The following BRF1 variants were observed in gnomAD, a reference collection of about 807,000 sequenced individuals.
BRF1 encodes the protein BRF1 general transcription factor IIIB subunit.
A neutral mutation model predicts 81.7 loss-of-function variants in BRF1; 59 were observed. That is an observed-to-expected ratio of 0.72 (90% CI 0.59 to 0.90). BRF1 has a LOEUF of 0.90. BRF1 is among the 40% of genes least tolerant of loss of function. BRF1 has a pLI of 0.00. For missense variants in BRF1, 1,050 were observed against 936.3 expected (o/e 1.12, Z -1.58); for synonymous variants, 491 against 395.6 (o/e 1.24, Z -2.86).
intron 15 of BRF1, chr14:105,212,794 G>A (rs12434042): frequency 0.1 from 15,341 of 152,706 alleles, 857 homozygotes; most frequent in Admixed American, 0.15. Flanking sequence ...AGGACGCAGC[G>A]GGGCAGAGCC....
In BRF1 at chr14:105,220,054, G is replaced by C. The variant is rs1051583138; in HGVS notation, c.1377+15C>G. The C allele has an allele frequency of 6.8e-6, 11 of 1,611,172 alleles. No homozygotes were observed. The highest frequency in any genetic ancestry group is 9.3e-6 in the Non-Finnish European group (11 of 1,179,978). ...CCAAGCCCAGCCCCTCTTGGGAAGG[G>C]GTGCTGCCACGTACCCTGTCAATCT... On this transcript the variant is annotated intron_variant, in intron 12 of 17. Coordinates refer to ENST00000547530, the MANE Select transcript of BRF1 (RefSeq NM_001519.4).
At chr14:105,219,502 G>A in intron 12 of BRF1, 1 of 633,558 alleles carries the variant, frequency 1.6e-6, no homozygotes, top group Non-Finnish European at 2.6e-6. Flanking sequence ...CCAGGACCCT[G>A]GCCAGCCAGA....
intron 5 of BRF1, chr14:105,248,618 G>C (rs1021945949): frequency 4.1e-6 from 4 of 976,342 alleles, no homozygotes; most frequent in Non-Finnish European, 4.8e-6. Flanking sequence ...GGGCCTGGCC[G>C]GGCTGCGCTA....
In BRF1 at chr14:105,211,117, C is replaced by A. The variant is rs1301262918; in HGVS notation, c.1996+5G>T. 10 of 1,612,318 alleles carry A rather than the reference C, an allele frequency of 6.2e-6. No homozygotes were observed. Among genetic ancestry groups the A allele is most frequent in the South Asian group, 4.4e-5 (4 of 91,062 alleles). On this transcript the variant is annotated splice_donor_5th_base_variant and intron_variant, in intron 17 of 17. Coordinates refer to ENST00000547530, the MANE Select transcript of BRF1 (RefSeq NM_001519.4). Reference sequence around the variant, plus strand: ...AACCCCTCCCTGTTGTCGGGCCCCACCCACCGTTGCTGCCCATCATCTGCA... The same window carrying A: ...AACCCCTCCCTGTTGTCGGGCCCCAACCACCGTTGCTGCCCATCATCTGCA...
In BRF1 at chr14:105,247,351, A is replaced by C. The variant is rs1031922785; in HGVS notation, c.544+5156T>G. ...ACACTACGTGACAAGTCTCAAGTTC[A>C]GCCGCCTGGGGGCTCGGGCACCCCA... is the stretch of plus-strand genomic sequence containing the variant. On this transcript the variant is annotated intron_variant, in intron 5 of 17. Coordinates refer to ENST00000547530, the MANE Select transcript of BRF1 (RefSeq NM_001519.4). 3 of 985,364 alleles carry C rather than the reference A, an allele frequency of 3.0e-6. No homozygotes were observed. In the African/African-American group the frequency reaches 5.2e-5, roughly 17 times the overall value. 61.0% of individuals were successfully genotyped at this position (985,364 alleles called of 1,614,324 possible). A position where few individuals can be genotyped will look rare whatever the true frequency, so the allele number is the denominator to read the frequency against.
chr14:105,256,177 C>T, intron 4 of BRF1: 1 of 1,520,250 alleles, frequency 6.6e-7, no homozygotes, highest in Non-Finnish European at 8.8e-7. Context: ...TCTCCTATAC[C>T]AAACTAGGTA....
intron 2 of BRF1, among the ~76,000 whole-genome samples, chr14:105,282,034 C>A (rs899884055): frequency 6.6e-6 from 1 of 152,174 alleles, no homozygotes; most frequent in East Asian, 1.9e-4. Flanking sequence ...TCAGAACCGT[C>A]GCTTCAGAAC....
chr14:105,250,832 A>G, intron 5 of BRF1: 1 of 774,722 alleles, frequency 1.3e-6, no homozygotes, highest in Non-Finnish European at 2.1e-6. Context: ...ACACAGCCAG[A>G]ACCCAGGGAT....
chr14:105,226,829 C>T (rs767006677), intron 7 of BRF1, 69 bp from the exon 8 acceptor site: 155 of 1,605,260 alleles, frequency 9.7e-5, no homozygotes, highest in South Asian at 8.8e-4. Flanking sequence ...ACTGAGCTTT[C>T]GCCTGGGCGT....
chr14:105,248,562 TAC>T, intron 5 of BRF1: 1 of 301,572 alleles, frequency 3.3e-6, no homozygotes, highest in Non-Finnish European at 4.0e-6. Flanking sequence ...CCGCGGCGGG[TAC>T]GGGCTCGGGC....
At chr14:105,273,928 GAGGAAGGCCTCTTGCAGTTGAGATAC>G (rs953245079) in intron 2 of BRF1, among the ~76,000 whole-genome samples, 14 of 152,194 alleles carry the variant, frequency 9.2e-5, no homozygotes, top group African/African-American at 2.4e-4. Flanking sequence ...ATTGGTAAAA[GAGGAAGGCCTCTTGCAGTTGAGATAC>G]AGGAAGGCCT....
chr14:105,209,787 G>A lies in BRF1; in HGVS notation c.*764C>T, dbSNP rs1203278300. On this transcript the variant is annotated 3_prime_UTR_variant, in exon 18 of 18. Coordinates refer to ENST00000547530, the MANE Select transcript of BRF1 (RefSeq NM_001519.4). The stretch of plus-strand genomic sequence containing the variant: ...GCTATGCTCAGGACGGGTGGGCGCC[G>A]GTCTCAGCTGTCGGGCACTCAGTTC... 2.4e-5 allele frequency: 13 copies of A among 532,158 alleles called. No individual in the cohort carries two copies. Among genetic ancestry groups the A allele is most frequent in the East Asian group, 1.3e-4 (4 of 30,400 alleles). The allele number at this position is 532,158 out of a possible 1,614,324, so 33.0% of individuals were successfully genotyped here.
Position 105,211,157 on chromosome 14 carries a change from G to C in BRF1, c.1961C>G (p.Pro654Arg). The stretch of plus-strand genomic sequence containing the variant: ...CATCATCTGCAGGGCACTGACGCAG[G>C]GCTCCCCGTCCTCCTCGTCAGGCTC... ...EEEPDEEDGE[P>R]CVSALQMMGS... Residue 654 changes from proline (P) to arginine (R), a missense_variant, in exon 17 of 18, where the codon CCC becomes CGC. Pro to Arg is a moderately radical substitution (Grantham distance 103). This residue lies in a region of BRF1 where 1,043 missense variants were observed against 915.4 expected (regional missense o/e 1.14). Coordinates refer to ENST00000547530, the MANE Select transcript of BRF1 (RefSeq NM_001519.4). 1 of 1,612,432 alleles carries C rather than the reference G, an allele frequency of 6.2e-7. No individual in the cohort carries two copies. The highest frequency in any genetic ancestry group is 8.5e-7 in the Non-Finnish European group (1 of 1,179,846).
intron 3 of BRF1, among the ~76,000 whole-genome samples, chr14:105,265,577 C>A (rs894553037): frequency 6.6e-5 from 10 of 152,116 alleles, no homozygotes; most frequent in Non-Finnish European, 1.5e-4. Context: ...CATGGTGAAA[C>A]CCCTCTCTAC....
chr14:105,257,837 A>G (rs2055960136), intron 3 of BRF1, among the ~76,000 whole-genome samples: 1 of 152,184 alleles, frequency 6.6e-6, no homozygotes, highest in South Asian at 2.1e-4. Flanking sequence ...CCTTCCGGAA[A>G]AGGCAAAACT....
At chr14:105,229,360 C>A (rs918547963) in intron 6 of BRF1, among the ~76,000 whole-genome samples, 2 of 152,196 alleles carry the variant, frequency 1.3e-5, no homozygotes, top group African/African-American at 4.8e-5. Flanking sequence ...ACATGGAGAT[C>A]ATGTGTGCAG....
chr14:105,229,468 C>T (rs989759200), intron 6 of BRF1, among the ~76,000 whole-genome samples: 8 of 152,198 alleles, frequency 5.3e-5, no homozygotes, highest in African/African-American at 1.7e-4. Context: ...AGGGTAAGGG[C>T]CCGGATGAGG....
chr14:105,220,681 C>A (rs1892143222), intron 11 of BRF1, among the ~76,000 whole-genome samples: 1 of 152,234 alleles, frequency 6.6e-6, no homozygotes, highest in South Asian at 2.1e-4. Context: ...GCAGCATCTG[C>A]ACAGCCTGGA....
chr14:105,288,547 T>C lies in BRF1; in HGVS notation c.185-2171A>G, dbSNP rs587731604. ...GCTCACACCTGTGGTCCCAACACTTTGGGAGGCCGGAGCAGGAAGATCGCC... is the reference window on the plus strand; with the variant it reads ...GCTCACACCTGTGGTCCCAACACTTCGGGAGGCCGGAGCAGGAAGATCGCC... On this transcript the variant is annotated intron_variant, in intron 1 of 17. Transcript: ENST00000547530. Among the ~76,000 whole-genome samples the C allele has an allele frequency of 2.6e-5, 4 of 152,114 alleles. No homozygotes were observed. The East Asian group carries it at 7.7e-4, about 29-fold the overall frequency.
Sources: gnomAD v4.1 joint callset for allele counts (sites outside exome capture counted in the v4.1 genomes callset) on GRCh38, gnomAD v4.1.1 for gene constraint, gnomAD v4.1.1 regional missense constraint, MANE v1.5 for transcripts, NCBI Gene and HGNC (gene_info 2026-07-23, HGNC 2026-07-21) for gene names.